The following TMEM209 variants were observed in gnomAD, a reference collection of about 807,000 sequenced individuals.
TMEM209 encodes transmembrane protein 209.
Under a neutral mutation model 76.2 loss-of-function variants are expected in TMEM209, and 65 were observed. The ratio of observed to expected loss-of-function variants is 0.85; its 90% CI spans 0.70 to 1.05. The LOEUF (loss-of-function observed/expected upper bound fraction) is 1.05. TMEM209 is among the 50% of genes least tolerant of loss of function. The pLI, the probability that TMEM209 is intolerant of heterozygous loss-of-function variation, is 0.00. For missense variants in TMEM209, 623 were observed against 685.5 expected, an observed-to-expected ratio of 0.91 and a Z score of 1.02; for synonymous variants, 239 against 237.6, an observed-to-expected ratio of 1.01 and a Z score of -0.06.
At position 130,173,873 on chromosome 7, in the gene TMEM209, C is replaced by T; in HGVS notation, c.1411G>A (p.Gly471Arg). 3 of 1,613,810 alleles carry T rather than the reference C, an allele frequency of 1.9e-6. No individual in the cohort carries two copies. The highest frequency in any genetic ancestry group is 1.7e-5 in the Admixed American group (1 of 60,016). Residue 471 changes from glycine to arginine, a missense_variant, in exon 12 of 15, where the codon GGA becomes AGA. Physicochemically the swap from Gly to Arg is moderately radical, Grantham distance 125. Coordinates refer to ENST00000397622, the MANE Select transcript of TMEM209 (RefSeq NM_032842.4). ...RLPPHPKYPD[G>R]KTFTSQHFVQ... ...AAGTGCTGAGAAGTAAAAGTTTTTC[C>T]GTCGGGATACTTCGGATGTGGAGGT...
chr7:130,167,028 G>A (rs1796903796), intron 14 of TMEM209, among the ~76,000 whole-genome samples: 1 of 151,998 alleles, frequency 6.6e-6, no homozygotes, highest in Admixed American at 6.6e-5. Context: ...CAAAGTCTGA[G>A]GGAATAAGAG....
intron 6 of TMEM209, among the ~76,000 whole-genome samples, chr7:130,189,834 T>C (rs1325119410): frequency 6.6e-6 from 1 of 152,206 alleles, no homozygotes; most frequent in Non-Finnish European, 1.5e-5. Context: ...CCTGGAGTAA[T>C]GATACCTCAA....
In TMEM209 at chr7:130,196,242, T is replaced by C. The variant is rs551879424; in HGVS notation, c.574-3419A>G. Among the ~76,000 whole-genome samples, 3 of 152,114 alleles carry C rather than the reference T, an allele frequency of 2.0e-5. No individual in the cohort carries two copies. In the South Asian group the frequency reaches 6.2e-4, roughly 32 times the overall value. On this transcript the variant is annotated intron_variant, in intron 5 of 14. Coordinates refer to ENST00000397622, the MANE Select transcript of TMEM209 (RefSeq NM_032842.4). ...ACTCAATAATAAAACTTAAGGGCCC[T>C]ACAGTCTTCTGGGGATGTATTCGAT...
At chr7:130,171,964 C>A (rs181154481) in intron 13 of TMEM209, among the ~76,000 whole-genome samples, 1 of 150,258 alleles carries the variant, frequency 6.7e-6, no homozygotes, top group African/African-American at 2.5e-5. Flanking sequence ...ACCTGGGAGG[C>A]GGAGGTTGCA....
intron 5 of TMEM209, among the ~76,000 whole-genome samples, chr7:130,201,624 C>A (rs185685942): frequency 6.6e-6 from 1 of 152,066 alleles, no homozygotes; most frequent in Non-Finnish European, 1.5e-5. Context: ...GCTGAAAGAT[C>A]GTAGATGGTG....
chr7:130,179,362 C>T (rs989092194), intron 9 of TMEM209, among the ~76,000 whole-genome samples: 4 of 152,036 alleles, frequency 2.6e-5, no homozygotes, highest in African/African-American at 9.7e-5. Context: ...GCAGCCAAAT[C>T]GATTTTGGCA....
At chr7:130,172,203 T>C (rs1797092583) in intron 13 of TMEM209, among the ~76,000 whole-genome samples, 2 of 152,200 alleles carry the variant, frequency 1.3e-5, no homozygotes, top group Admixed American at 6.5e-5. Context: ...ATAACCTTTA[T>C]TATAAAGTAA....
At chr7:130,186,974 G>A (rs1159552833) in intron 6 of TMEM209, among the ~76,000 whole-genome samples, 1 of 152,168 alleles carries the variant, frequency 6.6e-6, no homozygotes, top group Non-Finnish European at 1.5e-5. Flanking sequence ...AGTGCGCGGT[G>A]GCTCACGCCT....
At position 130,173,816 on chromosome 7, in the gene TMEM209, G is replaced by C. The variant is rs1005268021; in HGVS notation, c.1459+9C>G. 1.9e-6 allele frequency: 3 copies of C among 1,611,744 alleles called. No individual in the cohort carries two copies. The highest frequency in any genetic ancestry group is 2.2e-5 in the East Asian group (1 of 44,844). ...AATCTCAACACATTCTTTTAGGAGA[G>C]GTTTATACCTGGTTTATTTGGTGTC... On this transcript the variant is annotated intron_variant, in intron 12 of 14. Transcript: ENST00000397622.
Position 130,192,605 on chromosome 7 carries a change from CA to C in TMEM209, c.775+16del. ...ACCAAAAATATGTATAGTAGATATA[CA>C]GAAATATATATGTACCCAGCTTAAC... On this transcript the variant is annotated intron_variant, in intron 6 of 14. Transcript: ENST00000397622. 6.2e-7 allele frequency: 1 copy of C among 1,608,278 alleles called. No individual in the cohort carries two copies. The highest frequency in any genetic ancestry group is 8.5e-7 in the Non-Finnish European group (1 of 1,175,836).
At chr7:130,185,473 C>T (rs968571458) in intron 6 of TMEM209, 106 bp from the exon 7 acceptor site, 1 of 937,522 alleles carries the variant, frequency 1.1e-6, no homozygotes, top group African/African-American at 1.6e-5. Flanking sequence ...AAGACCAACC[C>T]TCAAGGAGAT....
At chr7:130,204,888 C>T in intron 1 of TMEM209, 1 of 1,009,410 alleles carries the variant, frequency 9.9e-7, no homozygotes, top group Non-Finnish European at 1.2e-6. Context: ...CAACTCTGCA[C>T]TTGGACAGCT....
chr7:130,178,901 C>T (rs1026180335), intron 9 of TMEM209, among the ~76,000 whole-genome samples: 10 of 152,138 alleles, frequency 6.6e-5, no homozygotes, highest in Non-Finnish European at 8.8e-5. Context: ...ACCTCAGCCT[C>T]CTAAGCAGCT....
intron 6 of TMEM209, among the ~76,000 whole-genome samples, chr7:130,190,945 A>G (rs1334529714): frequency 6.6e-6 from 1 of 152,044 alleles, no homozygotes; most frequent in Non-Finnish European, 1.5e-5. Context: ...GCAGCGAGCC[A>G]AGACTGCACC....
chr7:130,166,592 C>T, intron 14 of TMEM209, 87 bp from the exon 15 acceptor site: 1 of 745,844 alleles, frequency 1.3e-6, no homozygotes, highest in Non-Finnish European at 2.1e-6. Flanking sequence ...ATGAATAATA[C>T]ATGTTTAACT....
intron 5 of TMEM209, among the ~76,000 whole-genome samples, chr7:130,195,629 TG>T (rs1307474434): frequency 1.2e-4 from 14 of 116,038 alleles, no homozygotes; most frequent in African/African-American, 3.2e-4. Context: ...AAAAGTTATT[TG>T]GAAAAAAAAA....
At chr7:130,173,774 G>C (rs764430667) in intron 12 of TMEM209, 45 bp from the exon 13 acceptor site, 24 of 1,605,438 alleles carry the variant, frequency 1.5e-5, no homozygotes, top group Non-Finnish European at 2.0e-5. Context: ...CAAACCCCCA[G>C]AGATATTTTG....
intron 8 of TMEM209, 126 bp from the exon 9 acceptor site, chr7:130,181,845 C>G (rs1797430913): frequency 2.9e-6 from 2 of 682,818 alleles, no homozygotes; most frequent in South Asian, 4.0e-5. Context: ...TTAAAAGAAT[C>G]ATAAAGTATA....
At chr7:130,170,614 G>GCGTAGGTACTTTGTTTAA in intron 13 of TMEM209, 141 bp from the exon 14 acceptor site, 1 of 684,338 alleles carries the variant, frequency 1.5e-6, no homozygotes, top group Non-Finnish European at 2.4e-6. Flanking sequence ...ATTAAACAAA[G>GCGTAGGTACTTTGTTTAA]TACCTACGCT....
Sources: allele counts gnomAD v4.1 joint callset (sites outside exome capture counted in the v4.1 genomes callset), GRCh38; gene constraint gnomAD v4.1.1; transcripts MANE v1.5; gene names NCBI Gene and HGNC (gene_info 2026-07-23, HGNC 2026-07-21).